Variants in SLC30A8 observed in about 807,000 individuals in gnomAD.
SLC30A8 encodes the protein proton-coupled zinc antiporter SLC30A8.
A neutral mutation model predicts 36.9 loss-of-function variants in SLC30A8; 27 were observed. The ratio of observed to expected loss-of-function variants is 0.73; its 90% CI spans 0.54 to 1.01. The LOEUF is 1.01. Ranked by LOEUF, SLC30A8 falls within the 50% of genes least tolerant of loss-of-function variation. The pLI, the probability that SLC30A8 is intolerant of heterozygous loss-of-function variation, is 0.00. For missense variants in SLC30A8, 439 were observed against 452.0 expected (o/e 0.97, Z 0.26); for synonymous variants, 164 against 172.4 (o/e 0.95, Z 0.38).
intron 2 of SLC30A8, among the ~76,000 whole-genome samples, chr8:117,099,500 T>C (rs970761305): frequency 4.6e-5 from 7 of 152,206 alleles, no homozygotes; most frequent in African/African-American, 1.7e-4. Context: ...GCTTATATGA[T>C]GGGAGATCTA....
At chr8:117,135,712 AAGAT>A (rs1248840556) in intron 1 of SLC30A8, among the ~76,000 whole-genome samples, 1 of 151,906 alleles carries the variant, frequency 6.6e-6, no homozygotes, top group Non-Finnish European at 1.5e-5. Context: ...TCTCAATTTT[AAGAT>A]AGATAGTAAA....
chr8:117,090,369 C>A (rs1353382182), intron 2 of SLC30A8, among the ~76,000 whole-genome samples: 1 of 152,128 alleles, frequency 6.6e-6, no homozygotes, highest in Non-Finnish European at 1.5e-5. Context: ...ATTAAGGAGC[C>A]TTTCTGTGTA....
chr8:117,111,985 A>G (rs1820246939), intron 2 of SLC30A8, among the ~76,000 whole-genome samples: 1 of 152,116 alleles, frequency 6.6e-6, no homozygotes, highest in Non-Finnish European at 1.5e-5. Flanking sequence ...ACCCCAAGTC[A>G]TCTAAGAAGA....
chr8:117,116,460 G>A (rs993138179), intron 2 of SLC30A8, among the ~76,000 whole-genome samples: 14 of 151,978 alleles, frequency 9.2e-5, no homozygotes, highest in African/African-American at 1.4e-4. Flanking sequence ...ATAAGGCAAC[G>A]GCTCAGATGA....
upstream of SLC30A8, among the ~76,000 whole-genome samples, chr8:117,134,368 C>T (rs759867277): frequency 5.3e-5 from 8 of 152,108 alleles, no homozygotes; most frequent in Non-Finnish European, 1.2e-4. Context: ...AACCTTTTGC[C>T]CACACACAAA....
At chr8:117,079,985 C>T (rs531462515) in intron 2 of SLC30A8, among the ~76,000 whole-genome samples, 2 of 152,310 alleles carry the variant, frequency 1.3e-5, no homozygotes, top group East Asian at 3.9e-4. Context: ...CTCTACTCTG[C>T]ACTTGGTGTA....
intron 2 of SLC30A8, among the ~76,000 whole-genome samples, chr8:117,068,616 A>C (rs181014543): frequency 9.2e-4 from 140 of 152,148 alleles, no homozygotes; most frequent in Admixed American, 1.4e-3. Flanking sequence ...TCACTCTGTC[A>C]CCCAGGCTGG....
intron 1 of SLC30A8, among the ~76,000 whole-genome samples, chr8:116,968,771 TC>T (rs1434073828): frequency 6.6e-6 from 1 of 152,052 alleles, no homozygotes; most frequent in East Asian, 1.9e-4. Context: ...GGAGTCTCGT[TC>T]TGTCACCAGG....
intron 2 of SLC30A8, among the ~76,000 whole-genome samples, chr8:117,103,977 T>C (rs1421208433): frequency 2.0e-5 from 3 of 152,180 alleles, no homozygotes; most frequent in African/African-American, 7.2e-5. Context: ...AATAGTCTTC[T>C]GTGGACATCA....
At chr8:116,981,821 T>C (rs1355701002) in intron 1 of SLC30A8, among the ~76,000 whole-genome samples, 1 of 152,230 alleles carries the variant, frequency 6.6e-6, no homozygotes, top group Non-Finnish European at 1.5e-5. Context: ...CTATGATTGA[T>C]GGGCATTTAG....
chr8:117,163,517 C>G lies in SLC30A8; in HGVS notation c.816C>G (p.Ile272Met), dbSNP rs775481016. ...STITILKDFSILLMEGVPKSL... is the reference protein window; with the variant it reads ...STITILKDFSMLLMEGVPKSL... ...TCACTATCTTAAAGGACTTCTCCAT[C>G]TTACTCATGGAAGGTAGGAGTGATT... Residue 272 changes from isoleucine to methionine, a missense_variant, in exon 6 of 8, where the codon ATC (isoleucine) becomes ATG (methionine). By Grantham distance (10) the Ile-to-Met change is conservative. Transcript: ENST00000456015. The G allele has an allele frequency of 5.0e-6, 8 of 1,611,076 alleles. No homozygotes were observed. The Admixed American group carries it at 1.0e-4, about 20-fold the overall frequency.
intron 2 of SLC30A8, among the ~76,000 whole-genome samples, chr8:117,096,718 G>A (rs186131969): frequency 5.0e-4 from 76 of 152,232 alleles, no homozygotes; most frequent in Admixed American, 9.8e-4. Flanking sequence ...TAAGTGAAAA[G>A]TCATCACTCT....
Position 117,098,596 on chromosome 8 carries a change from A to G in SLC30A8, c.-225-36684A>G, listed in dbSNP as rs544955761. Among the ~76,000 whole-genome samples, 4 of 152,332 alleles carry G rather than the reference A, an allele frequency of 2.6e-5. No individual in the cohort carries two copies. In the East Asian group the frequency reaches 5.8e-4, roughly 22 times the overall value. On this transcript the variant is annotated intron_variant, in intron 2 of 10. Coordinates refer to the SLC30A8 transcript ENST00000427715. ...AAAGACACATCCTGGAAAGCTGGCC[A>G]CAAGAATGGCATAGGAGTAGTGGGC...
chr8:117,107,564 T>C (rs1201327031), intron 2 of SLC30A8, among the ~76,000 whole-genome samples: 1 of 152,214 alleles, frequency 6.6e-6, no homozygotes, highest in Non-Finnish European at 1.5e-5. Context: ...GAGACGATAC[T>C]ATCTCTTGGT....
At chr8:117,135,619 T>G (rs1660428984) in intron 1 of SLC30A8, among the ~76,000 whole-genome samples, 1 of 151,998 alleles carries the variant, frequency 6.6e-6, no homozygotes, top group Admixed American at 6.6e-5. Context: ...AAGAACACAT[T>G]TTACTGATGT....
At chr8:117,165,970 G>C (rs759376870) in intron 6 of SLC30A8, among the ~76,000 whole-genome samples, 7 of 152,134 alleles carry the variant, frequency 4.6e-5, no homozygotes, top group Non-Finnish European at 8.8e-5. Flanking sequence ...GATAGCAGAG[G>C]GAGGGAAGGG....
intron 1 of SLC30A8, among the ~76,000 whole-genome samples, chr8:117,000,577 G>A (rs1485281373): frequency 6.6e-6 from 1 of 152,172 alleles, no homozygotes; most frequent in African/African-American, 2.4e-5. Flanking sequence ...TAATTGTAAA[G>A]TAGCATATTA....
chr8:117,013,424 A>T (rs1362752335), intron 1 of SLC30A8, among the ~76,000 whole-genome samples: 1 of 152,210 alleles, frequency 6.6e-6, no homozygotes, highest in Admixed American at 6.6e-5. Flanking sequence ...AGAGATGTTC[A>T]GTGGGAAATG....
chr8:117,139,666 T>A (rs1350913630), intron 1 of SLC30A8, among the ~76,000 whole-genome samples: 1 of 151,968 alleles, frequency 6.6e-6, no homozygotes, highest in African/African-American at 2.4e-5. Flanking sequence ...AATCTGGGTG[T>A]GATACCAACA....
Sources: allele counts gnomAD v4.1 joint callset (sites outside exome capture counted in the v4.1 genomes callset), GRCh38; gene constraint gnomAD v4.1.1; transcripts MANE v1.5; gene names NCBI Gene and HGNC (gene_info 2026-07-23, HGNC 2026-07-21).